The following PRDM15 variants were observed in gnomAD, a reference collection of about 807,000 sequenced individuals.
PRDM15 encodes the protein PR/SET domain 15.
PRDM15 carries 64 observed loss-of-function variants against 128.6 expected under a neutral mutation model. The observed-to-expected ratio is 0.50, with a 90% CI of 0.41 to 0.61. The LOEUF is 0.61. PRDM15 is among the 20% of genes least tolerant of loss of function. The probability of loss-of-function intolerance (pLI) is 0.00; values close to 1 mark genes in which losing one functional copy is unlikely to be tolerated. For synonymous variants in PRDM15, 615 were observed against 621.8 expected (o/e 0.99, Z 0.16); for missense variants, 1,242 against 1,569.1 (o/e 0.79, Z 3.52).
intron 17 of PRDM15, 96 bp downstream of exon 17, chr21:41,819,999 C>T (rs989870746): frequency 1.5e-5 from 16 of 1,062,550 alleles, no homozygotes; most frequent in African/African-American, 1.1e-4. Context: ...CAAGGTGCGA[C>T]GGCTCTGTGT....
At chr21:41,874,333 G>A (rs1005544073) in intron 1 of PRDM15, among the ~76,000 whole-genome samples, 6 of 151,710 alleles carry the variant, frequency 4.0e-5, no homozygotes, top group Non-Finnish European at 7.4e-5. Flanking sequence ...GGGGGATAGG[G>A]ACCCAGGGAG....
chr21:41,809,455 ACT>A (rs1296402633), intron 21 of PRDM15, among the ~76,000 whole-genome samples: 1 of 150,460 alleles, frequency 6.6e-6, no homozygotes, highest in Non-Finnish European at 1.5e-5. Flanking sequence ...CTGGTCTCAA[ACT>A]CTTAACCTCG....
At chr21:41,861,523 A>G in intron 1 of PRDM15, 1 of 1,482,072 alleles carries the variant, frequency 6.7e-7, no homozygotes, top group Non-Finnish European at 9.2e-7. Flanking sequence ...CCAAATGATT[A>G]TTCCTCCTCT....
intron 1 of PRDM15, among the ~76,000 whole-genome samples, chr21:41,864,303 C>T (rs529572362): frequency 2.0e-5 from 3 of 152,254 alleles, no homozygotes; most frequent in East Asian, 3.9e-4. Flanking sequence ...CAAAATGGAT[C>T]ACAGTCTTAA....
intron 18 of PRDM15, among the ~76,000 whole-genome samples, chr21:41,817,002 G>A (rs1232772274): frequency 1.3e-5 from 2 of 151,850 alleles, no homozygotes; most frequent in African/African-American, 2.4e-5. Context: ...CTAATACACA[G>A]TCACAGAAAA....
At chr21:41,823,207 C>T (rs187500364) in intron 14 of PRDM15, 111 bp downstream of exon 14, 429 of 1,377,996 alleles carry the variant, frequency 3.1e-4, no homozygotes, top group South Asian at 4.5e-4. Flanking sequence ...CAGCACATGT[C>T]TGCCCAGAAG....
intron 4 of PRDM15, among the ~76,000 whole-genome samples, chr21:41,855,461 C>T (rs75846866): frequency 0.033 from 4,972 of 152,298 alleles, 109 homozygotes; most frequent in Middle Eastern, 0.088. Flanking sequence ...TGGTCTCTTC[C>T]TCCCTGCAGG....
At chr21:41,816,732 G>A (rs547067601) in intron 18 of PRDM15, among the ~76,000 whole-genome samples, 290 of 152,246 alleles carry the variant, frequency 1.9e-3, no homozygotes, top group Non-Finnish European at 3.2e-3. Context: ...AGAAAACTGC[G>A]CGGCTGGGCC....
chr21:41,855,295 C>A (rs561059236), intron 4 of PRDM15, among the ~76,000 whole-genome samples: 25 of 152,286 alleles, frequency 1.6e-4, no homozygotes, highest in African/African-American at 6.0e-4. Context: ...GTGCTGGGCT[C>A]CTCAGGCTTT....
At chr21:41,872,887 G>A (rs1190469058) in intron 1 of PRDM15, among the ~76,000 whole-genome samples, 1 of 152,256 alleles carries the variant, frequency 6.6e-6, no homozygotes, top group Non-Finnish European at 1.5e-5. Flanking sequence ...GTGCTAGGTG[G>A]CTTCACGTGC....
At chr21:41,838,249 A>G (rs1044810224) in intron 7 of PRDM15, among the ~76,000 whole-genome samples, 186 bp from the exon 8 acceptor site, 12 of 152,226 alleles carry the variant, frequency 7.9e-5, no homozygotes, top group African/African-American at 2.4e-4. Context: ...TACTAGTACA[A>G]ACAGAAAAGC....
At chr21:41,812,266 G>A (rs2061889968) in intron 19 of PRDM15, 1 of 152,176 alleles carries the variant, frequency 6.6e-6, no homozygotes, top group Admixed American at 6.5e-5. Flanking sequence ...CTCATAGACA[G>A]AAAAACACAA....
At position 41,823,356 on chromosome 21, in the gene PRDM15, C is replaced by T. The variant is rs1276554223; in HGVS notation, c.1723G>A (p.Val575Met). The stretch of plus-strand genomic sequence containing the variant: ...TGGATGTGGTCCCTGAGCACATCCA[C>T]GCGGAAGAACTTGCGCCCGCAGATC... ...CEICGRKFFR[V>M]DVLRDHIHVH... The change falls in exon 14 of 24, where the codon GTG becomes ATG. Residue 575 changes from valine to methionine, a missense_variant. Physicochemically the swap from Val to Met is conservative, Grantham distance 21 (BLOSUM62 1). Around this residue, in one of 3 missense-constraint regions of PRDM15, gnomAD observed 28 missense variants for 63.8 expected, o/e 0.44. Transcript: ENST00000398548. 2.5e-6 allele frequency: 4 copies of T among 1,602,700 alleles called. No homozygotes were observed. The highest frequency in any genetic ancestry group is 3.4e-6 in the Non-Finnish European group (4 of 1,174,914).
At chr21:41,843,401 C>T (rs757415136) in intron 6 of PRDM15, among the ~76,000 whole-genome samples, 7 of 152,190 alleles carry the variant, frequency 4.6e-5, no homozygotes, top group South Asian at 4.1e-4. Flanking sequence ...CAATCTCCTT[C>T]GACAGCAACC....
In PRDM15 at chr21:41,810,400, C is replaced by A; in HGVS notation, c.2477-71G>T. The A allele has an allele frequency of 6.6e-7, 1 of 1,516,330 alleles. No individual in the cohort carries two copies. The highest frequency in any genetic ancestry group is 2.3e-5 in the East Asian group (1 of 42,918). 93.9% of individuals were successfully genotyped at this position (1,516,330 alleles called of 1,614,324 possible). A position where few individuals can be genotyped will look rare whatever the true frequency, so the allele number is the denominator to read the frequency against. On this transcript the variant is annotated intron_variant, in intron 20 of 23. Transcript: ENST00000398548. The surrounding 1 kb of genome is among the most constrained non-coding windows in gnomAD (Gnocchi z 6.4). ...CACGCAGGTCACTAGTGCAGCCATC[C>A]CAATGACCCTGGCCTGCTGGACGAG...
In PRDM15 at chr21:41,821,204, G is replaced by A; in HGVS notation, c.1923C>T (p.Tyr641=). Residue 641 remains tyrosine, a synonymous_variant, in exon 16 of 24, where the codon TAC becomes TAT. Transcript: ENST00000398548. The surrounding 1 kb of genome is among the most constrained non-coding windows in gnomAD (Gnocchi z 5.4). The part of the protein sequence containing the change: ...CQLTFGRGKE[Y]LKHIMEVHKE... ...TGTGCACCTCCATGATGTGCTTCAG[G>A]TACTCCTTCCCCCGGCCGAAGGTGA... 6.2e-7 allele frequency: 1 copy of A among 1,614,132 alleles called. No homozygotes were observed. The highest frequency in any genetic ancestry group is 8.5e-7 in the Non-Finnish European group (1 of 1,180,032).
chr21:41,824,245 G>C (rs2062388451), intron 13 of PRDM15, among the ~76,000 whole-genome samples: 1 of 152,214 alleles, frequency 6.6e-6, no homozygotes, highest in African/African-American at 2.4e-5. Context: ...GGCATCTCCA[G>C]GCGACATCTC....
chr21:41,852,224 A>G (rs927529216), intron 5 of PRDM15, among the ~76,000 whole-genome samples: 1 of 152,256 alleles, frequency 6.6e-6, no homozygotes. Context: ...TGGTGAGGGC[A>G]TCCCCCAGGA....
chr21:41,803,017 A>C, intron 22 of PRDM15, 96 bp from the exon 23 acceptor site: 6 of 913,088 alleles, frequency 6.6e-6, no homozygotes, highest in African/African-American at 1.6e-5. Context: ...ACACTCTCCA[A>C]TCAGTGGGGA....
Sources: gnomAD v4.1 joint callset for allele counts (sites outside exome capture counted in the v4.1 genomes callset) on GRCh38, gnomAD v4.1.1 for gene constraint, gnomAD v4.1.1 regional missense constraint, Gnocchi (gnomAD v3.1) non-coding constraint, MANE v1.5 for transcripts, NCBI Gene and HGNC (gene_info 2026-07-23, HGNC 2026-07-21) for gene names.